The following NCKAP1L variants were observed in gnomAD, a reference collection of about 807,000 sequenced individuals.
NCKAP1L encodes the protein NCK associated protein 1 like.
A neutral mutation model predicts 139.2 loss-of-function variants in NCKAP1L; 53 were observed. The observed-to-expected ratio is 0.38, with a 90% confidence interval of 0.31 to 0.48. NCKAP1L has a LOEUF of 0.48. Among genes scored for constraint, NCKAP1L ranks in the 20% least tolerant of loss-of-function variants. The pLI is 0.98. For missense variants in NCKAP1L, 1,151 were observed against 1,381.9 expected, an observed-to-expected ratio of 0.83 and a Z score of 2.65; for synonymous variants, 468 against 499.7, an observed-to-expected ratio of 0.94 and a Z score of 0.85.
At chr12:54,529,481 G>A (rs182284311) in intron 22 of NCKAP1L, among the ~76,000 whole-genome samples, 20 of 152,308 alleles carry the variant, frequency 1.3e-4, no homozygotes, top group Admixed American at 1.3e-3. Flanking sequence ...GGGACAGGGT[G>A]AAGATGTTCC....
chr12:54,517,858 A>C lies in NCKAP1L; in HGVS notation c.1258A>C (p.Arg420=). 10 of 1,614,174 alleles carry C rather than the reference A, an allele frequency of 6.2e-6. No individual in the cohort carries two copies. The highest frequency in any genetic ancestry group is 8.5e-6 in the Non-Finnish European group (10 of 1,180,012). The change falls in exon 13 of 31, where the codon AGA becomes CGA. Residue 420 remains arginine, a synonymous_variant. Transcript: ENST00000293373. The part of the protein sequence containing the change: ...LLEGIRSLVR[R]HIKVIQQYHL... ...GGAGGGGATTAGGTCTCTGGTCCGA[A>C]GACACATCAAAGTGATACAGCAATA...
chr12:54,524,378 G>A (rs1398334506), intron 20 of NCKAP1L, among the ~76,000 whole-genome samples: 1 of 152,178 alleles, frequency 6.6e-6, no homozygotes, highest in Admixed American at 6.5e-5. Context: ...ATAATTGAGA[G>A]TTGGTAGAGA....
intron 30 of NCKAP1L, among the ~76,000 whole-genome samples, chr12:54,541,624 T>C (rs953243200): frequency 1.3e-5 from 2 of 152,208 alleles, no homozygotes; most frequent in African/African-American, 2.4e-5. Context: ...TGTTTGAGAA[T>C]AGGAAAATCT....
chr12:54,517,814 C>G lies in NCKAP1L; in HGVS notation c.1214C>G (p.Ala405Gly). The G allele has an allele frequency of 1.2e-6, 2 of 1,614,094 alleles. No homozygotes were observed. Among genetic ancestry groups the G allele is most frequent in the South Asian group, 2.2e-5 (2 of 91,072 alleles). Reference sequence around the variant, plus strand: ...CATCCTAAACTTTATAGGAGCATTGCAGAGCTACTTTTCTTGTTGGAGGGG... The same window carrying G: ...CATCCTAAACTTTATAGGAGCATTGGAGAGCTACTTTTCTTGTTGGAGGGG... ...TPEDYADSSIAELLFLLEGIR... is the reference protein window; with the variant it reads ...TPEDYADSSIGELLFLLEGIR... The change falls in exon 13 of 31, where the codon GCA becomes GGA. Residue 405 changes from alanine (A) to glycine (G), a missense_variant. Transcript: ENST00000293373.
intron 23 of NCKAP1L, 58 bp downstream of exon 23, chr12:54,531,415 A>G: frequency 6.2e-7 from 1 of 1,603,120 alleles, no homozygotes; most frequent in Non-Finnish European, 8.5e-7. Flanking sequence ...GAGGGTGGGT[A>G]TAGGAGACTG....
intron 2 of NCKAP1L, 61 bp downstream of exon 2, chr12:54,499,526 C>T (rs1956779925): frequency 9.7e-7 from 1 of 1,028,154 alleles, no homozygotes; most frequent in South Asian, 1.3e-5. Flanking sequence ...GGCTGAAATT[C>T]TCCTCTTTTG....
chr12:54,508,305 C>A, intron 4 of NCKAP1L, 84 bp from the exon 5 acceptor site: 1 of 1,292,654 alleles, frequency 7.7e-7, no homozygotes, highest in Admixed American at 1.8e-5. Flanking sequence ...ATATATTGAG[C>A]ACTGTCCAGA....
chr12:54,499,275 T>G, intron 1 of NCKAP1L, 80 bp from the exon 2 acceptor site: 16 of 854,186 alleles, frequency 1.9e-5, no homozygotes, highest in Non-Finnish European at 2.8e-5. Context: ...AGACAGATTA[T>G]GAGAATGAAT....
chr12:54,506,479 T>C (rs1441586412), intron 3 of NCKAP1L, among the ~76,000 whole-genome samples: 4 of 151,924 alleles, frequency 2.6e-5, no homozygotes, highest in Non-Finnish European at 5.9e-5. Flanking sequence ...CTCAGCTCAC[T>C]GCAACCTCCG....
intron 22 of NCKAP1L, among the ~76,000 whole-genome samples, chr12:54,530,343 G>A (rs1253823451): frequency 6.6e-6 from 1 of 152,226 alleles, no homozygotes; most frequent in Non-Finnish European, 1.5e-5. Flanking sequence ...TAGTGTTTCT[G>A]ACATGGGATT....
intron 7 of NCKAP1L, 92 bp downstream of exon 7, chr12:54,510,077 C>T: frequency 2.1e-6 from 3 of 1,462,030 alleles, no homozygotes; most frequent in Non-Finnish European, 2.8e-6. Context: ...AATATCAGTA[C>T]TAAAGAATGC....
chr12:54,547,560 C>T lies in NCKAP1L; in HGVS notation c.*4875C>T, dbSNP rs1957208290. ...AATTAGCCTTAAAATGAATCAGGAG[C>T]AGGGGGTCTTGGGAGAGCAGGATGT... On this transcript the variant is annotated 3_prime_UTR_variant, in exon 31 of 31. Transcript: ENST00000293373. 6.7e-6 allele frequency: 1 copy of T among 150,292 alleles called. No individual in the cohort carries two copies. The highest frequency in any genetic ancestry group is 2.5e-5 in the African/African-American group (1 of 40,782). The allele number at this position is 150,292 out of a possible 1,614,324, so 9.3% of individuals were successfully genotyped here. A position where few individuals can be genotyped will look rare whatever the true frequency, so the allele number is the denominator to read the frequency against.
chr12:54,523,621 GA>G (rs1957004120), intron 19 of NCKAP1L, 82 bp downstream of exon 19: 1 of 1,521,108 alleles, frequency 6.6e-7, no homozygotes, highest in Non-Finnish European at 8.8e-7. Flanking sequence ...GACACAGAAA[GA>G]AAAGAGCGCA....
rs1301161584 is a variant in NCKAP1L at position 54,523,876 on chromosome 12, T to C, written c.2076T>C (p.His692=). Residue 692 remains histidine, a synonymous_variant, in exon 20 of 31, where the codon CAT becomes CAC. Coordinates refer to ENST00000293373, the MANE Select transcript of NCKAP1L (RefSeq NM_005337.5). ...NLTELALTMN[H]VYSFSVFEHT... is the part of the protein sequence containing the mutation. The stretch of plus-strand genomic sequence containing the variant: ...CAGAACTGGCACTGACAATGAATCA[T>C]GTATACAGTTTCTCCGTGTTTGAAC... The C allele has an allele frequency of 1.2e-6, 2 of 1,614,166 alleles. No homozygotes were observed. The highest frequency in any genetic ancestry group is 8.5e-7 in the Non-Finnish European group (1 of 1,179,996).
At chr12:54,508,199 A>G (rs1347635809) in intron 4 of NCKAP1L, among the ~76,000 whole-genome samples, 190 bp from the exon 5 acceptor site, 1 of 152,164 alleles carries the variant, frequency 6.6e-6, no homozygotes, top group Non-Finnish European at 1.5e-5. Context: ...GCCTCCTTGT[A>G]TATTGAGCTC....
At chr12:54,526,095 A>C (rs1772631963) in intron 20 of NCKAP1L, among the ~76,000 whole-genome samples, 1 of 152,216 alleles carries the variant, frequency 6.6e-6, no homozygotes. Flanking sequence ...CATTTCTGGC[A>C]GTGATCGGAA....
In NCKAP1L at chr12:54,543,448, A is replaced by G. The variant is rs562487767; in HGVS notation, c.*763A>G. On this transcript the variant is annotated 3_prime_UTR_variant, in exon 31 of 31. Coordinates refer to ENST00000293373, the MANE Select transcript of NCKAP1L (RefSeq NM_005337.5). ...GCAGAGGGTCAGTTAGTCTCCGTCA[A>G]TTCTAGGTTACATGACAACTGATTG... is the stretch of plus-strand genomic sequence containing the variant. 2 of 152,302 alleles carry G rather than the reference A, an allele frequency of 1.3e-5. No individual in the cohort carries two copies. Among genetic ancestry groups the G allele is most frequent in the Admixed American group, 6.5e-5 (1 of 15,298 alleles). The allele number at this position is 152,302 out of a possible 1,614,324, so 9.4% of individuals were successfully genotyped here.
chr12:54,519,344 T>A lies in NCKAP1L; in HGVS notation c.1625+12T>A, dbSNP rs73109126. Reference sequence around the variant, plus strand: ...CTGTCTACTTTCTGGTATGTCTTGGTTCAGAGCTCTCTTTAAAAAGTTTTA... The same window carrying A: ...CTGTCTACTTTCTGGTATGTCTTGGATCAGAGCTCTCTTTAAAAAGTTTTA... On this transcript the variant is annotated intron_variant, in intron 16 of 30. Coordinates refer to ENST00000293373, the MANE Select transcript of NCKAP1L (RefSeq NM_005337.5). 6.7e-7 allele frequency: 1 copy of A among 1,491,822 alleles called. No homozygotes were observed. Among genetic ancestry groups the A allele is most frequent in the African/African-American group, 1.4e-5 (1 of 69,330 alleles). The allele number at this position is 1,491,822 out of a possible 1,614,324, so 92.4% of individuals were successfully genotyped here.
Position 54,536,671 on chromosome 12 carries a change from A to AAAAAG in NCKAP1L, c.3074-262_3074-258dup, listed in dbSNP as rs1208715590. On this transcript the variant is annotated intron_variant, in intron 28 of 30. Transcript: ENST00000293373. ...GACCCTGTCTTTAAAAAAAGAAAAA[A>AAAAAG]AAAAGAAAAGAAAAGGAACAAAACA... 1.4e-5 allele frequency: 5 copies of AAAAAG among 364,718 alleles called. No individual in the cohort carries two copies. In the Admixed American group the frequency reaches 1.8e-4, roughly 13 times the overall value. The allele number at this position is 364,718 out of a possible 1,614,324, so 22.6% of individuals were successfully genotyped here. A position where few individuals can be genotyped will look rare whatever the true frequency, so the allele number is the denominator to read the frequency against.
Sources: gnomAD v4.1 joint callset for allele counts (sites outside exome capture counted in the v4.1 genomes callset) on GRCh38, gnomAD v4.1.1 for gene constraint, MANE v1.5 for transcripts, NCBI Gene and HGNC (gene_info 2026-07-23, HGNC 2026-07-21) for gene names.